The following RYR2 variants were observed in gnomAD, a reference collection of about 807,000 sequenced individuals.
The protein encoded by RYR2 is ryanodine receptor 2.
Under a neutral mutation model 601.1 loss-of-function variants are expected in RYR2, and 227 were observed. The ratio of observed to expected loss-of-function variants is 0.38; its 90% CI spans 0.34 to 0.42. RYR2 has a LOEUF of 0.42. Among genes scored for constraint, RYR2 ranks in the 10% least tolerant of loss-of-function variants. The pLI is 1.00. For missense variants in RYR2, 4,646 were observed against 6,156.5 expected (o/e 0.75, Z 8.21); for synonymous variants, 2,223 against 2,175.1 (o/e 1.02, Z -0.61).
chr1:237,409,951 A>G (rs1172644260), intron 10 of RYR2, among the ~76,000 whole-genome samples: 15 of 152,170 alleles, frequency 9.9e-5, no homozygotes, highest in Admixed American at 9.2e-4. Context: ...TCTGGTGTTC[A>G]GTATTTGTTA....
intron 101 of RYR2, among the ~76,000 whole-genome samples, chr1:237,827,936 CAAAAAAAAAAAAAAAAAAA>C (rs58421624): frequency 0.013 from 883 of 69,416 alleles, 32 homozygotes; most frequent in African/African-American, 0.036. Flanking sequence ...GACTCCGTCT[CAAAAAAAAAAAAAAAAAAA>C]AAAAAAAAAA....
chr1:237,067,917 G>A (rs1663847400), intron 1 of RYR2, among the ~76,000 whole-genome samples: 1 of 151,926 alleles, frequency 6.6e-6, no homozygotes, highest in African/African-American at 2.4e-5. Flanking sequence ...CTCTTTGATG[G>A]TAGTGAACCT....
intron 12 of RYR2, among the ~76,000 whole-genome samples, chr1:237,434,580 T>A (rs2150115384): frequency 6.6e-6 from 1 of 152,342 alleles, no homozygotes; most frequent in South Asian, 2.1e-4. Flanking sequence ...CAATCATATG[T>A]GTATCCAATC....
chr1:237,182,059 G>A (rs1393477739), intron 1 of RYR2, among the ~76,000 whole-genome samples: 1 of 152,122 alleles, frequency 6.6e-6, no homozygotes, highest in Admixed American at 6.6e-5. Context: ...ACAAAAGAAT[G>A]TATGTTATGC....
chr1:237,283,425 T>C (rs1691114589), intron 2 of RYR2, among the ~76,000 whole-genome samples: 1 of 152,198 alleles, frequency 6.6e-6, no homozygotes, highest in African/African-American at 2.4e-5. Flanking sequence ...ACATTTACTT[T>C]GGCGTTTCTC....
At chr1:237,428,423 A>C (rs1706431086) in intron 12 of RYR2, among the ~76,000 whole-genome samples, 1 of 152,220 alleles carries the variant, frequency 6.6e-6, no homozygotes, top group African/African-American at 2.4e-5. Context: ...AGCCACAAAA[A>C]GGAATGAGAT....
chr1:237,145,976 C>T (rs889853118), intron 1 of RYR2, among the ~76,000 whole-genome samples: 4 of 152,168 alleles, frequency 2.6e-5, no homozygotes, highest in African/African-American at 9.7e-5. Flanking sequence ...TTCAGAATCT[C>T]AGTAAGCAGG....
At chr1:237,050,069 A>G (rs543351971) in intron 1 of RYR2, among the ~76,000 whole-genome samples, 18 of 152,240 alleles carry the variant, frequency 1.2e-4, no homozygotes, top group Admixed American at 9.8e-4. Context: ...ATTCCCTGTT[A>G]GTGACGGAGT....
rs1003003891 is a variant in RYR2, at chr1:237,742,027, C to T, written c.11092-269C>T. Reference sequence around the variant, plus strand: ...ATGAGGCAAATGTATGAATAAGTAGCGGGTATAGTATGATGTGGACCTCAT... The same window carrying T: ...ATGAGGCAAATGTATGAATAAGTAGTGGGTATAGTATGATGTGGACCTCAT... On this transcript the variant is annotated intron_variant, in intron 79 of 104. Coordinates refer to ENST00000366574, the MANE Select transcript of RYR2 (RefSeq NM_001035.3). Among the ~76,000 whole-genome samples the T allele has an allele frequency of 5.3e-5, 8 of 152,220 alleles. No homozygotes were observed. The East Asian group carries it at 5.8e-4, about 11-fold the overall frequency.
chr1:237,741,110 G>T (rs1324455774), intron 79 of RYR2, among the ~76,000 whole-genome samples: 2 of 152,118 alleles, frequency 1.3e-5, no homozygotes, highest in Admixed American at 1.3e-4. Context: ...ACTGTCCTAG[G>T]CCTGCGTCCC....
intron 5 of RYR2, among the ~76,000 whole-genome samples, chr1:237,367,336 C>T (rs1280014546): frequency 6.6e-6 from 1 of 152,142 alleles, no homozygotes; most frequent in Admixed American, 6.5e-5. Flanking sequence ...ACACGATCCA[C>T]CTGTCTTGGT....
rs566930016 is a variant in RYR2, at chr1:237,582,464, A to G, written c.3599-7329A>G. Among the ~76,000 whole-genome samples, 25 of 152,034 alleles carry G rather than the reference A, an allele frequency of 1.6e-4. No individual in the cohort carries two copies. The South Asian group carries it at 4.4e-3, about 27-fold the overall frequency. ...AACTTTGATTTTAGATTCAGAAGCT[A>G]TATGTTCAGGTTTGTTGCCTGGGTA... On this transcript the variant is annotated intron_variant, in intron 29 of 104. Coordinates refer to ENST00000366574, the MANE Select transcript of RYR2 (RefSeq NM_001035.3).
Position 237,727,167 on chromosome 1 carries a change from C to T in RYR2, c.10806C>T (p.Cys3602=). Residue 3602 remains cysteine (C), a synonymous_variant, in exon 76 of 105, where the codon TGC becomes TGT. Transcript: ENST00000366574. ...AGAGGAAAAGGGCTGTTGTAGCCTG[C>T]TTCCGGATGGCCCCCTTATATAATC... ...SKQRKRAVVA[C]FRMAPLYNLP... 6.3e-7 allele frequency: 1 copy of T among 1,579,228 alleles called. No individual in the cohort carries two copies. The highest frequency in any genetic ancestry group is 8.6e-7 in the Non-Finnish European group (1 of 1,160,710).
chr1:237,395,764 T>G (rs1222072345), intron 10 of RYR2, among the ~76,000 whole-genome samples: 2 of 152,044 alleles, frequency 1.3e-5, no homozygotes, highest in South Asian at 4.1e-4. Flanking sequence ...GCCAGGATGG[T>G]CTTGATCTCC....
chr1:237,333,092 C>T (rs1275689520), intron 3 of RYR2, among the ~76,000 whole-genome samples: 1 of 152,138 alleles, frequency 6.6e-6, no homozygotes, highest in Non-Finnish European at 1.5e-5. Context: ...TAGAATGTCT[C>T]CATCACAGAT....
chr1:237,367,172 C>T (rs1044735058), intron 5 of RYR2, among the ~76,000 whole-genome samples: 2 of 152,166 alleles, frequency 1.3e-5, no homozygotes, highest in Non-Finnish European at 2.9e-5. Flanking sequence ...CGGCTCACTG[C>T]AACCTCTGCC....
chr1:237,816,513 A>T (rs1352665637), intron 100 of RYR2, among the ~76,000 whole-genome samples: 2 of 151,980 alleles, frequency 1.3e-5, no homozygotes, highest in South Asian at 2.1e-4. Flanking sequence ...ACATGGTGAA[A>T]CTCCATCTCT....
rs774486571 is a variant in RYR2 at position 237,500,860 on chromosome 1, G to A, written c.2353G>A (p.Asp785Asn). ...VQGMFENFNIDGLFFPVVSFS... is the reference protein window; with the variant it reads ...VQGMFENFNINGLFFPVVSFS... The stretch of plus-strand genomic sequence containing the variant: ...AGGAATGTTTGAGAATTTCAACATC[G>A]ATGGCCTCTTCTTTCCAGTCGTTAG... Residue 785 changes from aspartate (D) to asparagine (N), a missense_variant, in exon 21 of 105, where the codon GAT becomes AAT. By Grantham distance (23) the Asp-to-Asn change is conservative. Coordinates refer to ENST00000366574, the MANE Select transcript of RYR2 (RefSeq NM_001035.3). The A allele has an allele frequency of 7.4e-6, 12 of 1,614,012 alleles. No individual in the cohort carries two copies. Among genetic ancestry groups the A allele is most frequent in the East Asian group, 2.2e-5 (1 of 44,890 alleles).
chr1:237,807,442 C>T (rs1574039154), intron 99 of RYR2, among the ~76,000 whole-genome samples: 1 of 152,164 alleles, frequency 6.6e-6, no homozygotes, highest in East Asian at 1.9e-4. Context: ...CCTCCGCCTC[C>T]CTAGGTTCAA....
Sources: gnomAD v4.1 joint callset for allele counts (sites outside exome capture counted in the v4.1 genomes callset) on GRCh38, gnomAD v4.1.1 for gene constraint, MANE v1.5 for transcripts, NCBI Gene and HGNC (gene_info 2026-07-23, HGNC 2026-07-21) for gene names.